Variants in TAS2R1 observed in about 807,000 individuals in gnomAD.
The protein encoded by TAS2R1 is taste 2 receptor member 1.
For missense variants in TAS2R1, 370 were observed against 353.4 expected (o/e 1.05, Z -0.38); for synonymous variants, 141 against 134.2 (o/e 1.05, Z -0.35).
the TAS2R1 span, among the ~76,000 whole-genome samples, chr5:9,891,229 G>A: frequency 1.3e-5 from 2 of 152,084 alleles, no homozygotes; most frequent in Admixed American, 1.3e-4. Context: ...GAATACAGAA[G>A]CAGATGTAAG....
At chr5:9,713,647 T>C (rs984872286), upstream of TAS2R1, 2 of 152,204 alleles carry the variant, frequency 1.3e-5, no homozygotes, top group Non-Finnish European at 2.9e-5. Flanking sequence ...TTTGGCTCCA[T>C]TTCTTTTGTA....
chr5:9,809,919 C>T, the TAS2R1 span, among the ~76,000 whole-genome samples: 3 of 152,182 alleles, frequency 2.0e-5, no homozygotes, highest in Non-Finnish European at 2.9e-5. Context: ...TCTGACATGC[C>T]TAAAAGTGAA....
chr5:9,768,929 A>G, the TAS2R1 span, among the ~76,000 whole-genome samples: 1 of 152,144 alleles, frequency 6.6e-6, no homozygotes, highest in African/African-American at 2.4e-5. Context: ...AAATGATACA[A>G]TCCTCCTTTG....
chr5:9,712,059 G>C (rs1159174949), intron 1 of TAS2R1: 4 of 149,720 alleles, frequency 2.7e-5, no homozygotes, highest in African/African-American at 9.9e-5. Flanking sequence ...AGGGAGGGAG[G>C]GAATAGAAAG....
the TAS2R1 span, among the ~76,000 whole-genome samples, chr5:9,740,507 C>T: frequency 3.3e-5 from 5 of 152,162 alleles, no homozygotes; most frequent in African/African-American, 9.7e-5. Flanking sequence ...TCAAAGCCAA[C>T]GAGTTAACAA....
chr5:9,731,486 C>A, the TAS2R1 span, among the ~76,000 whole-genome samples: 1 of 152,206 alleles, frequency 6.6e-6, no homozygotes, highest in East Asian at 1.9e-4. Flanking sequence ...ACCATCACAA[C>A]GGATTCCCCT....
the TAS2R1 span, among the ~76,000 whole-genome samples, chr5:9,719,694 C>T: frequency 9.2e-4 from 140 of 151,870 alleles, no homozygotes; most frequent in Non-Finnish European, 1.6e-3. Flanking sequence ...TTTGGGAGGC[C>T]GAGGCGGGCG....
chr5:9,791,365 C>A, the TAS2R1 span, among the ~76,000 whole-genome samples: 1 of 152,104 alleles, frequency 6.6e-6, no homozygotes, highest in East Asian at 1.9e-4. Context: ...TATCTCCAAC[C>A]CTGGCTGTGC....
intron 1 of TAS2R1, among the ~76,000 whole-genome samples, chr5:9,693,942 A>G (rs1741305889): frequency 6.6e-6 from 1 of 152,232 alleles, no homozygotes; most frequent in African/African-American, 2.4e-5. Context: ...ACTGGCTATT[A>G]TAACGCAATA....
chr5:9,689,145 C>A (rs1029882260), intron 1 of TAS2R1, among the ~76,000 whole-genome samples: 4 of 152,154 alleles, frequency 2.6e-5, no homozygotes, highest in African/African-American at 7.2e-5. Flanking sequence ...TATGGCTCTA[C>A]TCTGACCTGG....
At position 9,682,553 on chromosome 5, in the gene TAS2R1, C is replaced by T. The variant is rs140756252; in HGVS notation, c.-241-22972G>A. ...CTGATGAAGAAATAAATACTCCCTG[C>T]ACCCAGTGGGAAATTCAGAGGAAAA... On this transcript the variant is annotated intron_variant, in intron 1 of 2. Coordinates refer to the TAS2R1 transcript ENST00000506620. Among the ~76,000 whole-genome samples the T allele has an allele frequency of 1.6e-3, 248 of 152,296 alleles. 2 individuals are homozygous for T. Among genetic ancestry groups the T allele is most frequent in the African/African-American group, 5.5e-3 (230 of 41,550 alleles).
At chr5:9,779,661 A>G in the TAS2R1 span, among the ~76,000 whole-genome samples, 2 of 152,254 alleles carry the variant, frequency 1.3e-5, no homozygotes, top group Non-Finnish European at 1.5e-5. Context: ...TGATGCTTCC[A>G]AACAATTATG....
At chr5:9,831,630 T>TTTTC in the TAS2R1 span, among the ~76,000 whole-genome samples, 297 of 152,054 alleles carry the variant, frequency 2.0e-3, no homozygotes, top group Non-Finnish European at 3.6e-3. Context: ...TGTTTTTTTT[T>TTTTC]CAAATCGTAA....
chr5:9,728,939 G>A, the TAS2R1 span, among the ~76,000 whole-genome samples: 1 of 152,206 alleles, frequency 6.6e-6, no homozygotes, highest in Non-Finnish European at 1.5e-5. Flanking sequence ...CCCTGATGCA[G>A]GCAGGGAGTT....
the TAS2R1 span, among the ~76,000 whole-genome samples, chr5:9,722,877 C>T: frequency 6.6e-6 from 1 of 152,236 alleles, no homozygotes; most frequent in Admixed American, 6.5e-5. Context: ...ATCGGCTCTG[C>T]TTTGCCCTTA....
At chr5:9,714,262 A>G (rs1734761715), upstream of TAS2R1, 1 of 152,222 alleles carries the variant, frequency 6.6e-6, no homozygotes, top group Admixed American at 6.5e-5. Context: ...TGTAGATAAT[A>G]TCGCCATCAT....
the TAS2R1 span, among the ~76,000 whole-genome samples, chr5:9,745,679 A>G: frequency 4.6e-5 from 7 of 152,174 alleles, no homozygotes; most frequent in Admixed American, 6.5e-5. Context: ...AGGATTCTCT[A>G]TTTAATAAAT....
the TAS2R1 span, among the ~76,000 whole-genome samples, chr5:9,899,635 TAA>T: frequency 1.2e-4 from 17 of 137,370 alleles, 1 homozygote; most frequent in African/African-American, 2.7e-4. Flanking sequence ...AGACTCTGTC[TAA>T]AAAAAAAAAA....
chr5:9,752,343 T>C, the TAS2R1 span, among the ~76,000 whole-genome samples: 1 of 152,180 alleles, frequency 6.6e-6, no homozygotes, highest in Admixed American at 6.5e-5. Context: ...TCCTCTGTAC[T>C]CCAGGGTCCA....
Sources: allele counts gnomAD v4.1 joint callset (sites outside exome capture counted in the v4.1 genomes callset), GRCh38; gene constraint gnomAD v4.1.1; transcripts MANE v1.5; gene names NCBI Gene and HGNC (gene_info 2026-07-23, HGNC 2026-07-21).